TBC1D22A: variants seen among roughly 807,000 people sequenced by gnomAD.
The protein encoded by TBC1D22A is TBC1 domain family member 22A.
A neutral mutation model predicts 60.2 loss-of-function variants in TBC1D22A; 38 were observed. That is an observed-to-expected ratio of 0.63 (90% CI 0.49 to 0.83). The LOEUF (loss-of-function observed/expected upper bound fraction) is 0.83. Among genes scored for constraint, TBC1D22A ranks in the 40% least tolerant of loss-of-function variants. The probability of loss-of-function intolerance (pLI) is 0.00; values close to 1 mark genes in which losing one functional copy is unlikely to be tolerated. For missense variants in TBC1D22A, 628 were observed against 701.0 expected, an observed-to-expected ratio of 0.90 and a Z score of 1.18; for synonymous variants, 302 against 281.7, an observed-to-expected ratio of 1.07 and a Z score of -0.72.
intron 9 of TBC1D22A, among the ~76,000 whole-genome samples, chr22:46,993,218 GA>G (rs1314643108): frequency 6.6e-6 from 1 of 152,200 alleles, no homozygotes; most frequent in Admixed American, 6.5e-5. Context: ...AAAAAGTGCA[GA>G]AAGTGTTATT....
chr22:47,130,055 T>G (rs997800881), intron 12 of TBC1D22A, among the ~76,000 whole-genome samples: 1 of 152,218 alleles, frequency 6.6e-6, no homozygotes, highest in Non-Finnish European at 1.5e-5. Flanking sequence ...CCTGGACTTG[T>G]CACCTGGGTG....
chr22:47,112,966 C>A (rs1270045657), intron 12 of TBC1D22A, among the ~76,000 whole-genome samples: 2 of 152,224 alleles, frequency 1.3e-5, no homozygotes, highest in Non-Finnish European at 2.9e-5. Flanking sequence ...GGGGCCATGA[C>A]TTGCTGTGTC....
chr22:46,826,486 G>A (rs912765337), intron 4 of TBC1D22A, among the ~76,000 whole-genome samples: 2 of 152,002 alleles, frequency 1.3e-5, no homozygotes, highest in Non-Finnish European at 2.9e-5. Context: ...ACATCTTATG[G>A]GCCATCTGTG....
intron 4 of TBC1D22A, among the ~76,000 whole-genome samples, chr22:46,819,454 T>A (rs1343977862): frequency 6.6e-6 from 1 of 152,222 alleles, no homozygotes; most frequent in Non-Finnish European, 1.5e-5. Flanking sequence ...GGATGTGATG[T>A]TGAATTTTAT....
chr22:46,772,645 T>C (rs13055925), intron 1 of TBC1D22A, among the ~76,000 whole-genome samples: 1 of 114,496 alleles, frequency 8.7e-6, no homozygotes, highest in African/African-American at 3.4e-5. Context: ...TGCACCGCAC[T>C]TTTTTTTTTT....
At chr22:46,960,954 C>CAAAAAAA (rs397868006) in intron 8 of TBC1D22A, among the ~76,000 whole-genome samples, 2 of 47,760 alleles carry the variant, frequency 4.2e-5, no homozygotes, top group African/African-American at 7.4e-5. Context: ...GACACCATCT[C>CAAAAAAA]AAAAAAAAAA....
intron 4 of TBC1D22A, among the ~76,000 whole-genome samples, chr22:46,825,358 G>A (rs895584371): frequency 1.3e-5 from 2 of 152,106 alleles, no homozygotes; most frequent in Admixed American, 6.5e-5. Flanking sequence ...CAGGGGACCC[G>A]CAATGGCTCT....
chr22:46,803,329 C>T (rs1392566778), intron 4 of TBC1D22A, among the ~76,000 whole-genome samples: 1 of 152,208 alleles, frequency 6.6e-6, no homozygotes, highest in Non-Finnish European at 1.5e-5. Flanking sequence ...GGCTCCCAGC[C>T]TCCAGGTCAC....
intron 2 of TBC1D22A, 54 bp from the exon 3 acceptor site, chr22:46,793,447 G>T: frequency 6.3e-7 from 1 of 1,580,402 alleles, no homozygotes; most frequent in South Asian, 1.1e-5. Flanking sequence ...TTCCTGGCTG[G>T]TTTTGGGTGA....
At chr22:46,876,241 T>A (rs73470816) in intron 4 of TBC1D22A, among the ~76,000 whole-genome samples, 1,904 of 152,162 alleles carry the variant, frequency 0.013, 36 homozygotes, top group African/African-American at 0.043. Flanking sequence ...ACAGAAATAA[T>A]CATTGTATCT....
At chr22:47,147,535 A>G (rs1022495634) in intron 12 of TBC1D22A, among the ~76,000 whole-genome samples, 10 of 152,224 alleles carry the variant, frequency 6.6e-5, no homozygotes, top group African/African-American at 2.4e-4. Context: ...GTGAGGACCC[A>G]GGGGTCACAC....
At chr22:47,133,866 CA>C (rs759426734) in intron 12 of TBC1D22A, among the ~76,000 whole-genome samples, 32 of 152,358 alleles carry the variant, frequency 2.1e-4, no homozygotes, top group Non-Finnish European at 2.6e-4. Context: ...TCGCGAGCTC[CA>C]AACATCCTTC....
At chr22:46,816,416 A>G (rs2085603176) in intron 4 of TBC1D22A, among the ~76,000 whole-genome samples, 1 of 152,230 alleles carries the variant, frequency 6.6e-6, no homozygotes, top group Non-Finnish European at 1.5e-5. Flanking sequence ...GTCCTTTTCA[A>G]GAAATTTACT....
intron 4 of TBC1D22A, among the ~76,000 whole-genome samples, chr22:46,869,183 A>G (rs1174167295): frequency 3.9e-5 from 6 of 151,986 alleles, no homozygotes; most frequent in African/African-American, 1.5e-4. Flanking sequence ...AGAGTTAGGG[A>G]GTAGTAGAGA....
chr22:46,915,825 T>C (rs2070328430), intron 8 of TBC1D22A: 4 of 456,318 alleles, frequency 8.8e-6, no homozygotes, highest in South Asian at 6.2e-5. Flanking sequence ...AGGTGGGGAA[T>C]CCTGGAGTGT....
chr22:46,880,661 G>A (rs968983664), intron 5 of TBC1D22A, among the ~76,000 whole-genome samples: 2 of 152,112 alleles, frequency 1.3e-5, no homozygotes, highest in Non-Finnish European at 2.9e-5. Flanking sequence ...GACAGGACAC[G>A]AGTATGAACC....
chr22:47,095,001 G>A (rs142697325), intron 11 of TBC1D22A, among the ~76,000 whole-genome samples: 14 of 152,358 alleles, frequency 9.2e-5, no homozygotes, highest in Non-Finnish European at 1.8e-4. Flanking sequence ...GAGGCCGGCT[G>A]GGTAGCAACA....
intron 12 of TBC1D22A, among the ~76,000 whole-genome samples, chr22:47,112,146 C>A (rs140760836): frequency 0.011 from 1,690 of 152,346 alleles, 35 homozygotes; most frequent in African/African-American, 0.039. Flanking sequence ...CGTGCTTGAC[C>A]TGTGGGACTC....
At chr22:47,034,970 TC>T (rs1165086690) in intron 10 of TBC1D22A, among the ~76,000 whole-genome samples, 1 of 152,102 alleles carries the variant, frequency 6.6e-6, no homozygotes, top group Non-Finnish European at 1.5e-5. Flanking sequence ...GCACCAGCGT[TC>T]CCAGCCACTC....
Sources: gnomAD v4.1 joint callset for allele counts (sites outside exome capture counted in the v4.1 genomes callset) on GRCh38, gnomAD v4.1.1 for gene constraint, MANE v1.5 for transcripts, NCBI Gene and HGNC (gene_info 2026-07-23, HGNC 2026-07-21) for gene names.